The following TAF3 variants were observed in gnomAD, a reference collection of about 807,000 sequenced individuals.
TAF3 encodes the protein transcription initiation factor TFIID subunit 3.
In TAF3, 7 loss-of-function variants were observed where a neutral mutation model predicts 80.6. The observed-to-expected ratio is 0.09, with a 90% CI of 0.05 to 0.16. The LOEUF (loss-of-function observed/expected upper bound fraction) is 0.16, where lower values mean the gene tolerates loss of function less well. Ranked by LOEUF, TAF3 falls within the 10% of genes least tolerant of loss-of-function variation. The pLI is 1.00. For synonymous variants in TAF3, 444 were observed against 446.1 expected, an observed-to-expected ratio of 1.00 and a Z score of 0.06; for missense variants, 921 against 1,140.2, an observed-to-expected ratio of 0.81 and a Z score of 2.77.
chr10:7,898,813 A>G (rs557223015), intron 2 of TAF3, among the ~76,000 whole-genome samples: 5 of 151,430 alleles, frequency 3.3e-5, no homozygotes, highest in Non-Finnish European at 5.9e-5. Flanking sequence ...GTTTTCTTTG[A>G]GTTTTTTTTT....
chr10:7,936,256 A>C (rs1588558122), intron 2 of TAF3, among the ~76,000 whole-genome samples: 1 of 152,334 alleles, frequency 6.6e-6, no homozygotes, highest in Non-Finnish European at 1.5e-5. Flanking sequence ...ATCCTTGCTT[A>C]ATTGAAATTT....
chr10:7,824,442 G>T lies in TAF3; in HGVS notation c.291G>T (p.Pro97=). 1 of 1,614,098 alleles carries T rather than the reference G, an allele frequency of 6.2e-7. No homozygotes were observed. The highest frequency in any genetic ancestry group is 8.5e-7 in the Non-Finnish European group (1 of 1,180,004). The change falls in exon 2 of 7, where the codon CCG becomes CCT. Residue 97 remains proline (P), a synonymous_variant. Coordinates refer to ENST00000344293, the MANE Select transcript of TAF3 (RefSeq NM_031923.4). ...IEPVTFPHQI[P]SFPVSKNNVL... ...CTGTCACCTTCCCACACCAAATTCC[G>T]TCATTTCCTGTTAGCAAGAACAATG... is the stretch of plus-strand genomic sequence containing the variant.
intron 4 of TAF3, among the ~76,000 whole-genome samples, chr10:7,989,007 T>C (rs1374997727): frequency 1.3e-5 from 2 of 152,180 alleles, no homozygotes; most frequent in African/African-American, 4.8e-5. Flanking sequence ...ATAGATTCTT[T>C]CCTGGTGTTT....
intron 2 of TAF3, among the ~76,000 whole-genome samples, chr10:7,884,495 T>C (rs1331109024): frequency 6.6e-6 from 1 of 151,722 alleles, no homozygotes; most frequent in Admixed American, 6.6e-5. Context: ...CAGGCGATTC[T>C]CCTGTCTCAG....
At chr10:7,989,604 T>A (rs977792665) in intron 4 of TAF3, among the ~76,000 whole-genome samples, 1 of 152,228 alleles carries the variant, frequency 6.6e-6, no homozygotes, top group Non-Finnish European at 1.5e-5. Flanking sequence ...GATTCTAAAT[T>A]AAAACTTTTG....
At chr10:7,859,324 A>G (rs1412911335) in intron 2 of TAF3, among the ~76,000 whole-genome samples, 1 of 151,856 alleles carries the variant, frequency 6.6e-6, no homozygotes, top group East Asian at 1.9e-4. Flanking sequence ...ATAAAAGAGA[A>G]GTGTGATGCC....
intron 3 of TAF3, among the ~76,000 whole-genome samples, chr10:7,976,711 T>C (rs1470625297): frequency 6.6e-6 from 1 of 152,140 alleles, no homozygotes; most frequent in Non-Finnish European, 1.5e-5. Context: ...TTGTTTTTGT[T>C]TTCTTTTACA....
chr10:7,858,806 CTG>C (rs34538206), intron 2 of TAF3, among the ~76,000 whole-genome samples: 7,884 of 150,500 alleles, frequency 0.052, 324 homozygotes, highest in Admixed American at 0.11. Flanking sequence ...ATTATAGGCT[CTG>C]TGTGTGTGTG....
At chr10:7,943,914 C>A (rs931894581) in intron 2 of TAF3, among the ~76,000 whole-genome samples, 1 of 152,092 alleles carries the variant, frequency 6.6e-6, no homozygotes, top group African/African-American at 2.4e-5. Flanking sequence ...AAAATCATTA[C>A]CCCTAGTAAA....
Position 7,873,498 on chromosome 10 carries a change from G to A in TAF3, c.409+48938G>A, listed in dbSNP as rs888078718. Among the ~76,000 whole-genome samples, 8 of 152,100 alleles carry A rather than the reference G, an allele frequency of 5.3e-5. No individual in the cohort carries two copies. The South Asian group carries it at 6.2e-4, about 12-fold the overall frequency. Reference sequence around the variant, plus strand: ...AAAAACATTTAGGAATATCTTTTATGCATTAGTCACTGCAGGTGCAAATTT... The same window carrying A: ...AAAAACATTTAGGAATATCTTTTATACATTAGTCACTGCAGGTGCAAATTT... On this transcript the variant is annotated intron_variant, in intron 2 of 6. Coordinates refer to ENST00000344293, the MANE Select transcript of TAF3 (RefSeq NM_031923.4).
chr10:7,932,669 A>ATTTTTTTTTTTTTT (rs34907761), intron 2 of TAF3, among the ~76,000 whole-genome samples: 3 of 78,820 alleles, frequency 3.8e-5, no homozygotes, highest in African/African-American at 1.7e-4. Context: ...GTTCCACTTA[A>ATTTTTTTTTTTTTT]TTTTTTTTTT....
chr10:7,961,138 A>G (rs188875398), intron 2 of TAF3, among the ~76,000 whole-genome samples: 4 of 152,270 alleles, frequency 2.6e-5, no homozygotes, highest in Non-Finnish European at 1.5e-5. Context: ...GGTGCTGAAT[A>G]TTGATATTAA....
At chr10:7,944,990 A>G (rs1290714454) in intron 2 of TAF3, among the ~76,000 whole-genome samples, 10 of 152,242 alleles carry the variant, frequency 6.6e-5, no homozygotes, top group African/African-American at 2.4e-4. Context: ...CTCTACCTAG[A>G]AATATGGGCA....
At chr10:7,902,199 G>A (rs766280034) in intron 2 of TAF3, among the ~76,000 whole-genome samples, 7 of 152,092 alleles carry the variant, frequency 4.6e-5, no homozygotes, top group African/African-American at 9.7e-5. Context: ...TGAGGCAGGC[G>A]AATCACTTGA....
At chr10:7,965,899 C>A (rs1262063024) in intron 3 of TAF3, among the ~76,000 whole-genome samples, 157 bp downstream of exon 3, 2 of 152,102 alleles carry the variant, frequency 1.3e-5, no homozygotes, top group Non-Finnish European at 2.9e-5. Flanking sequence ...GATTTTAATT[C>A]TAAAACCCAT....
intron 2 of TAF3, among the ~76,000 whole-genome samples, chr10:7,912,913 C>A (rs1837670712): frequency 6.6e-6 from 1 of 152,120 alleles, no homozygotes; most frequent in African/African-American, 2.4e-5. Flanking sequence ...TCTGCTCGGG[C>A]TGCCATCACA....
intron 2 of TAF3, among the ~76,000 whole-genome samples, chr10:7,859,213 A>T (rs745538085): frequency 1.3e-5 from 2 of 151,926 alleles, no homozygotes; most frequent in African/African-American, 4.8e-5. Context: ...GTGAGCTGAG[A>T]TCATGCCATT....
At chr10:7,857,550 C>A (rs1588526633) in intron 2 of TAF3, among the ~76,000 whole-genome samples, 1 of 152,196 alleles carries the variant, frequency 6.6e-6, no homozygotes, top group African/African-American at 2.4e-5. Flanking sequence ...GTGGATGTCA[C>A]AAGCCTCTAC....
intron 2 of TAF3, among the ~76,000 whole-genome samples, chr10:7,899,111 T>C (rs1285054825): frequency 6.6e-6 from 1 of 152,202 alleles, no homozygotes; most frequent in Non-Finnish European, 1.5e-5. Context: ...TTTAAGAGAC[T>C]GGCATTAGAA....
Sources: gnomAD v4.1 joint callset for allele counts (sites outside exome capture counted in the v4.1 genomes callset) on GRCh38, gnomAD v4.1.1 for gene constraint, MANE v1.5 for transcripts, NCBI Gene and HGNC (gene_info 2026-07-23, HGNC 2026-07-21) for gene names.